Variants in RETREG1 observed in about 807,000 individuals in gnomAD.
RETREG1 encodes family with sequence similarity 134 member B.
RETREG1 carries 44 observed loss-of-function variants against 54.8 expected under a neutral mutation model. That is an observed-to-expected ratio of 0.80 (90% CI 0.63 to 1.03). The LOEUF is 1.03. Ranked by LOEUF, RETREG1 falls within the 50% of genes least tolerant of loss-of-function variation. The pLI, the probability that RETREG1 is intolerant of heterozygous loss-of-function variation, is 0.00. For synonymous variants in RETREG1, 217 were observed against 238.5 expected, an observed-to-expected ratio of 0.91 and a Z score of 0.83; for missense variants, 554 against 605.1, an observed-to-expected ratio of 0.92 and a Z score of 0.89.
chr5:16,584,213 A>C (rs936044953), intron 1 of RETREG1, among the ~76,000 whole-genome samples: 2 of 152,162 alleles, frequency 1.3e-5, no homozygotes, highest in African/African-American at 4.8e-5. Flanking sequence ...TGGGTGCACC[A>C]AAATCTCAGA....
At chr5:16,534,706 C>T (rs993648022) in intron 3 of RETREG1, among the ~76,000 whole-genome samples, 3 of 152,242 alleles carry the variant, frequency 2.0e-5, no homozygotes, top group Admixed American at 6.5e-5. Flanking sequence ...AAGGGAGACT[C>T]ATCACCTTTA....
chr5:16,577,829 G>C (rs1344921741), intron 1 of RETREG1, among the ~76,000 whole-genome samples: 1 of 152,076 alleles, frequency 6.6e-6, no homozygotes, highest in East Asian at 1.9e-4. Flanking sequence ...AACCCCTTTT[G>C]CTTAGCTCTC....
rs903866033 is a variant in RETREG1, at chr5:16,594,923, A to G, written c.320+21729T>C. On this transcript the variant is annotated intron_variant, in intron 1 of 8. Coordinates refer to ENST00000306320, the MANE Select transcript of RETREG1 (RefSeq NM_001034850.3). This position sits in a 1 kb window ranked among gnomAD's most constrained non-coding sequence, Gnocchi z 4.4. ...AAGACATACATTCATTTCTAAAACA[A>G]TGAAGAAAGAGATGAAGTAAGGTTT... Among the ~76,000 whole-genome samples, 2 of 152,246 alleles carry G rather than the reference A, an allele frequency of 1.3e-5. No individual in the cohort carries two copies. Among genetic ancestry groups the G allele is most frequent in the Non-Finnish European group, 2.9e-5 (2 of 68,052 alleles).
intron 2 of RETREG1, among the ~76,000 whole-genome samples, chr5:16,570,102 G>C (rs562784035): frequency 6.6e-6 from 1 of 152,194 alleles, no homozygotes; most frequent in Admixed American, 6.5e-5. Context: ...GAAACACCAG[G>C]TTTGTGGTCA....
intron 5 of RETREG1, among the ~76,000 whole-genome samples, chr5:16,479,720 A>T (rs563161998): frequency 2.0e-5 from 3 of 152,218 alleles, no homozygotes; most frequent in Non-Finnish European, 4.4e-5. Context: ...CACTCTAAGT[A>T]TTGTATTCCC....
intron 3 of RETREG1, among the ~76,000 whole-genome samples, chr5:16,493,255 T>C (rs1451149747): frequency 1.3e-5 from 2 of 152,218 alleles, no homozygotes; most frequent in Non-Finnish European, 2.9e-5. Context: ...CTACCCATCA[T>C]AGTATTTATT....
At chr5:16,521,520 A>G (rs1740532698) in intron 3 of RETREG1, among the ~76,000 whole-genome samples, 1 of 152,348 alleles carries the variant, frequency 6.6e-6, no homozygotes, top group Admixed American at 6.5e-5. Context: ...CATAGCAGCA[A>G]AAGAGCTCTG....
chr5:16,576,748 C>T (rs1374909651), intron 1 of RETREG1, among the ~76,000 whole-genome samples: 2 of 152,084 alleles, frequency 1.3e-5, no homozygotes, highest in African/African-American at 2.4e-5. Flanking sequence ...TCCCGAAGTG[C>T]TAGGATTACA....
At chr5:16,478,135 A>C in intron 6 of RETREG1, 37 bp from the exon 7 acceptor site, 2 of 1,390,386 alleles carry the variant, frequency 1.4e-6, no homozygotes, top group Non-Finnish European at 2.0e-6. Flanking sequence ...TCAGTTTCCT[A>C]GCCAACTCAG....
intron 3 of RETREG1, chr5:16,509,206 T>C: frequency 5.4e-6 from 1 of 186,836 alleles, no homozygotes; most frequent in Non-Finnish European, 1.0e-5. Flanking sequence ...GGGGTTTTGT[T>C]TGGAGAACGC....
chr5:16,575,684 G>A (rs1371986651), intron 1 of RETREG1, among the ~76,000 whole-genome samples: 1 of 152,206 alleles, frequency 6.6e-6, no homozygotes, highest in Non-Finnish European at 1.5e-5. Context: ...TTGGCATATT[G>A]GCCAAGGTCT....
At chr5:16,557,148 G>T (rs1480700533) in intron 3 of RETREG1, among the ~76,000 whole-genome samples, 1 of 152,150 alleles carries the variant, frequency 6.6e-6, no homozygotes, top group Non-Finnish European at 1.5e-5. Context: ...AGTGTCTCAA[G>T]AAATATATCC....
chr5:16,544,212 G>T (rs1741329319), intron 3 of RETREG1, among the ~76,000 whole-genome samples: 1 of 152,086 alleles, frequency 6.6e-6, no homozygotes, highest in Admixed American at 6.5e-5. Flanking sequence ...CTGACCTCAG[G>T]TGATCCGCCT....
intron 3 of RETREG1, among the ~76,000 whole-genome samples, chr5:16,540,426 G>A (rs192974568): frequency 6.6e-6 from 1 of 152,104 alleles, no homozygotes; most frequent in African/African-American, 2.4e-5. Context: ...CTAAGTAACG[G>A]ATTCCTTTCC....
chr5:16,610,720 C>G (rs1459541694), intron 1 of RETREG1, among the ~76,000 whole-genome samples: 2 of 152,174 alleles, frequency 1.3e-5, no homozygotes, highest in African/African-American at 4.8e-5. Flanking sequence ...CATCTCACAC[C>G]AGTTAGAATG....
At chr5:16,495,408 G>C (rs1222600193) in intron 3 of RETREG1, among the ~76,000 whole-genome samples, 1 of 152,198 alleles carries the variant, frequency 6.6e-6, no homozygotes, top group African/African-American at 2.4e-5. Flanking sequence ...AGACCATCTA[G>C]CAACCCCTCC....
At chr5:16,478,167 A>G in intron 6 of RETREG1, 69 bp from the exon 7 acceptor site, 2 of 946,698 alleles carry the variant, frequency 2.1e-6, no homozygotes, top group Non-Finnish European at 3.4e-6. Context: ...TTATTTCATT[A>G]TGTATTCTTA....
chr5:16,554,357 G>A (rs1181726630), intron 3 of RETREG1, among the ~76,000 whole-genome samples: 4 of 152,184 alleles, frequency 2.6e-5, no homozygotes, highest in Non-Finnish European at 5.9e-5. Flanking sequence ...TGTAACCAGC[G>A]CCTGCCTCTC....
intron 3 of RETREG1, among the ~76,000 whole-genome samples, chr5:16,490,093 A>G (rs1739187013): frequency 6.6e-6 from 1 of 152,144 alleles, no homozygotes; most frequent in South Asian, 2.1e-4. Context: ...GGAAAAAGAG[A>G]GGGAGGGAGA....
Sources: allele counts gnomAD v4.1 joint callset (sites outside exome capture counted in the v4.1 genomes callset), GRCh38; gene constraint gnomAD v4.1.1; non-coding constraint Gnocchi (gnomAD v3.1); transcripts MANE v1.5; gene names NCBI Gene and HGNC (gene_info 2026-07-23, HGNC 2026-07-21).